The following FARP1 variants were observed in gnomAD, a reference collection of about 807,000 sequenced individuals.
FARP1 encodes FERM, ARHGEF and pleckstrin domain-containing protein 1.
Under a neutral mutation model 128.8 loss-of-function variants are expected in FARP1, and 52 were observed. The observed-to-expected ratio is 0.40, with a 90% confidence interval of 0.32 to 0.51. The LOEUF (loss-of-function observed/expected upper bound fraction) is 0.51, where lower values mean the gene tolerates loss of function less well. Ranked by LOEUF, FARP1 falls within the 20% of genes least tolerant of loss-of-function variation. The pLI is 0.45. For missense variants in FARP1, 1,333 were observed against 1,367.9 expected (o/e 0.97, Z 0.40); for synonymous variants, 580 against 551.8 (o/e 1.05, Z -0.72).
chr13:98,262,657 G>A (rs139258997), intron 2 of FARP1, among the ~76,000 whole-genome samples: 15 of 152,342 alleles, frequency 9.8e-5, no homozygotes, highest in Middle Eastern at 3.4e-3. Context: ...ATATTCACTA[G>A]CATTGAATTA....
intron 13 of FARP1, chr13:98,399,991 T>G (rs907306245): frequency 1.3e-5 from 2 of 152,230 alleles, no homozygotes; most frequent in African/African-American, 4.8e-5. Flanking sequence ...GACAATATTT[T>G]ATTAGATAGG....
Position 98,449,190 on chromosome 13 carries a change from G to A in FARP1, c.*873G>A, listed in dbSNP as rs1292877434. On this transcript the variant is annotated 3_prime_UTR_variant, in exon 27 of 27. Transcript: ENST00000319562. ...ATGTTCCGTGATGAGCGTTTAGTGA[G>A]CCTGCTGGCTGCAGAGCACTATGAA... The A allele has an allele frequency of 6.6e-6, 1 of 152,212 alleles. No homozygotes were observed. Among genetic ancestry groups the A allele is most frequent in the Non-Finnish European group, 1.5e-5 (1 of 68,040 alleles). The allele number at this position is 152,212 out of a possible 1,614,324, so 9.4% of individuals were successfully genotyped here.
intron 2 of FARP1, among the ~76,000 whole-genome samples, chr13:98,213,940 A>C (rs1308549807): frequency 2.0e-5 from 3 of 152,024 alleles, no homozygotes; most frequent in Non-Finnish European, 2.9e-5. Context: ...ATGCAACCCC[A>C]CAGGGCAGGT....
At position 98,450,831 on chromosome 13, in the gene FARP1, G is replaced by A. The variant is rs1164798698; in HGVS notation, c.*2514G>A. ...TGGCGACACAAAAGCCAGCTTCCTT[G>A]GCTAAGATGCCCTTAAAAACATTGG... On this transcript the variant is annotated 3_prime_UTR_variant, in exon 27 of 27. Transcript: ENST00000319562. The A allele has an allele frequency of 6.6e-6, 1 of 152,246 alleles. No individual in the cohort carries two copies. The highest frequency in any genetic ancestry group is 1.5e-5 in the Non-Finnish European group (1 of 68,062). The allele number at this position is 152,246 out of a possible 1,614,324, so 9.4% of individuals were successfully genotyped here.
chr13:98,325,871 G>A (rs574378917), intron 2 of FARP1, among the ~76,000 whole-genome samples: 2 of 152,348 alleles, frequency 1.3e-5, no homozygotes, highest in South Asian at 2.1e-4. Context: ...CCTGAAAGCC[G>A]CACTGTGTTC....
intron 1 of FARP1, among the ~76,000 whole-genome samples, chr13:98,151,882 A>G (rs1169929286): frequency 2.0e-5 from 3 of 151,732 alleles, no homozygotes; most frequent in East Asian, 1.9e-4. Context: ...GGTTAGTCTC[A>G]AACTCCTGAC....
intron 16 of FARP1, among the ~76,000 whole-genome samples, chr13:98,416,799 T>C (rs1891391011): frequency 6.6e-6 from 1 of 151,968 alleles, no homozygotes; most frequent in Non-Finnish European, 1.5e-5. Flanking sequence ...CAGAGTGCCT[T>C]GGTAGATTCT....
chr13:98,424,372 A>G lies in FARP1; in HGVS notation c.1827-200A>G, dbSNP rs748372664. 5.9e-5 allele frequency among the ~76,000 whole-genome samples: 9 copies of G among 152,362 alleles called. No individual in the cohort carries two copies. In the Middle Eastern group the frequency reaches 0.01, roughly 173 times the overall value. ...GGTTCTCTCTTGTCTCTTTCAAAGC[A>G]TAAGTGGAATTCTTTGCAGGATGAG... On this transcript the variant is annotated intron_variant, in intron 16 of 26. Coordinates refer to ENST00000319562, the MANE Select transcript of FARP1 (RefSeq NM_005766.4).
At chr13:98,178,495 C>A (rs998941605) in intron 1 of FARP1, among the ~76,000 whole-genome samples, 3 of 152,224 alleles carry the variant, frequency 2.0e-5, no homozygotes, top group African/African-American at 7.2e-5. Context: ...TGCACCCCGC[C>A]TTCAAATATT....
chr13:98,240,379 G>A (rs1182497379), intron 2 of FARP1, among the ~76,000 whole-genome samples: 4 of 152,274 alleles, frequency 2.6e-5, no homozygotes, highest in Middle Eastern at 3.4e-3. Flanking sequence ...GCCTTCCCAG[G>A]CAGGAAGGGA....
intron 16 of FARP1, 102 bp from the exon 17 acceptor site, chr13:98,424,470 G>C: frequency 1.3e-6 from 1 of 764,232 alleles, no homozygotes. Context: ...GATGTCCGGG[G>C]AGGGGTGATT....
intron 16 of FARP1, among the ~76,000 whole-genome samples, chr13:98,416,331 T>C (rs2140131595): frequency 6.6e-6 from 1 of 152,362 alleles, no homozygotes; most frequent in Admixed American, 6.5e-5. Context: ...GAGTGTGACC[T>C]TCCCTTCGCA....
chr13:98,270,487 C>T (rs1884339537), intron 2 of FARP1, among the ~76,000 whole-genome samples: 1 of 152,118 alleles, frequency 6.6e-6, no homozygotes, highest in African/African-American at 2.4e-5. Context: ...CTTACAATGC[C>T]TCAGCGTATC....
At chr13:98,311,960 C>T (rs1442737843) in intron 2 of FARP1, among the ~76,000 whole-genome samples, 1 of 151,058 alleles carries the variant, frequency 6.6e-6, no homozygotes, top group Non-Finnish European at 1.5e-5. Flanking sequence ...TCTCCTGCCT[C>T]AGCCTCTGGA....
intron 16 of FARP1, among the ~76,000 whole-genome samples, chr13:98,415,369 T>G (rs1891336112): frequency 6.6e-6 from 1 of 152,246 alleles, no homozygotes; most frequent in Non-Finnish European, 1.5e-5. Context: ...TTCCTTGGTT[T>G]GCATGCCATA....
chr13:98,206,177 TTGTGTGTG>T (rs3138577), intron 1 of FARP1, among the ~76,000 whole-genome samples: 4,354 of 146,526 alleles, frequency 0.03, 95 homozygotes, highest in Non-Finnish European at 0.039. Context: ...TGACTTGAGG[TTGTGTGTG>T]TGTGTGTGTG....
intron 2 of FARP1, among the ~76,000 whole-genome samples, chr13:98,267,440 C>T (rs542647241): frequency 6.6e-6 from 1 of 152,208 alleles, no homozygotes; most frequent in Non-Finnish European, 1.5e-5. Flanking sequence ...CTGTTCTTGA[C>T]TTTTCTGCTG....
At chr13:98,242,707 A>T (rs567806577) in intron 2 of FARP1, among the ~76,000 whole-genome samples, 1 of 152,354 alleles carries the variant, frequency 6.6e-6, no homozygotes, top group South Asian at 2.1e-4. Context: ...TAAAATTTTG[A>T]AAGATGTAAG....
chr13:98,339,360 C>T (rs750222822), intron 2 of FARP1, among the ~76,000 whole-genome samples: 16 of 152,178 alleles, frequency 1.1e-4, no homozygotes, highest in Non-Finnish European at 1.9e-4. Context: ...CATCAGATCT[C>T]ATGAGAACTC....
Sources: gnomAD v4.1 joint callset for allele counts (sites outside exome capture counted in the v4.1 genomes callset) on GRCh38, gnomAD v4.1.1 for gene constraint, MANE v1.5 for transcripts, NCBI Gene and HGNC (gene_info 2026-07-23, HGNC 2026-07-21) for gene names.